The following KCNC4 variants were observed in gnomAD, a reference collection of about 807,000 sequenced individuals.
The protein encoded by KCNC4 is potassium voltage-gated channel subfamily C member 4.
In KCNC4, 23 loss-of-function variants were observed where a neutral mutation model predicts 42.8. That is an observed-to-expected ratio of 0.54 (90% confidence interval 0.39 to 0.76). The LOEUF is 0.76. KCNC4 is among the 30% of genes least tolerant of loss of function. The pLI is 0.00. For synonymous variants in KCNC4, 422 were observed against 393.5 expected, an observed-to-expected ratio of 1.07 and a Z score of -0.86; for missense variants, 751 against 898.2, an observed-to-expected ratio of 0.84 and a Z score of 2.10.
At chr1:110,257,947 G>A (rs559275015) in intron 1 of KCNC4, among the ~76,000 whole-genome samples, 2 of 152,328 alleles carry the variant, frequency 1.3e-5, no homozygotes, top group South Asian at 4.1e-4. Flanking sequence ...GACATGACAT[G>A]CATGCCTGAC....
intron 1 of KCNC4, among the ~76,000 whole-genome samples, chr1:110,266,622 GA>G (rs1394331731): frequency 4.6e-5 from 7 of 152,210 alleles, no homozygotes; most frequent in African/African-American, 1.7e-4. Context: ...CAAGGGCACA[GA>G]ACCTTTAAGT....
At chr1:110,226,538 C>T (rs963005075) in intron 3 of KCNC4, among the ~76,000 whole-genome samples, 1 of 152,188 alleles carries the variant, frequency 6.6e-6, no homozygotes, top group African/African-American at 2.4e-5. Context: ...CTGCCAGCCT[C>T]TCCCTAGGCC....
intron 1 of KCNC4, among the ~76,000 whole-genome samples, chr1:110,281,156 C>T (rs1273161558): frequency 6.6e-6 from 1 of 152,160 alleles, no homozygotes; most frequent in East Asian, 1.9e-4. Context: ...AACTTCATCA[C>T]TTCCCTGGCT....
At chr1:110,232,595 C>A in intron 3 of KCNC4, 7 of 1,437,214 alleles carry the variant, frequency 4.9e-6, no homozygotes, top group Non-Finnish European at 6.4e-6. Context: ...GTTACCTGAA[C>A]AGGTATGGCG....
intron 3 of KCNC4, among the ~76,000 whole-genome samples, chr1:110,229,589 T>G (rs1658592559): frequency 6.6e-6 from 1 of 152,224 alleles, no homozygotes; most frequent in Non-Finnish European, 1.5e-5. Context: ...ACCCAGCCTC[T>G]GCGCTCTGTA....
At chr1:110,225,888 C>A in intron 2 of KCNC4, 87 bp from the exon 3 acceptor site, 1 of 1,268,626 alleles carries the variant, frequency 7.9e-7, no homozygotes. Context: ...GAGGAAGTAA[C>A]ACTCTGGGTC....
chr1:110,217,890 C>T (rs557576375), intron 1 of KCNC4, among the ~76,000 whole-genome samples: 114 of 152,266 alleles, frequency 7.5e-4, no homozygotes, highest in African/African-American at 2.7e-3. Context: ...CTCTTACCCC[C>T]GGGACTGCCC....
intron 3 of KCNC4, among the ~76,000 whole-genome samples, chr1:110,230,458 A>G (rs1448497334): frequency 6.6e-6 from 1 of 152,208 alleles, no homozygotes; most frequent in Non-Finnish European, 1.5e-5. Flanking sequence ...CAGGGATGCC[A>G]CCACTGTTTT....
chr1:110,215,972 T>C (rs1571025970), intron 1 of KCNC4, among the ~76,000 whole-genome samples: 1 of 152,330 alleles, frequency 6.6e-6, no homozygotes, highest in East Asian at 1.9e-4. Flanking sequence ...TCTGCTCTTA[T>C]CTGTTCCTTT....
chr1:110,213,613 C>T (rs1657625154), intron 1 of KCNC4, among the ~76,000 whole-genome samples: 1 of 152,164 alleles, frequency 6.6e-6, no homozygotes, highest in South Asian at 2.1e-4. Flanking sequence ...CAGGCAGCCA[C>T]GAGAAGGCAG....
chr1:110,219,111 C>T (rs1657961638), intron 1 of KCNC4, among the ~76,000 whole-genome samples: 1 of 152,226 alleles, frequency 6.6e-6, no homozygotes, highest in Admixed American at 6.5e-5. Context: ...AAGCACTCCT[C>T]CCTGGGCCTC....
chr1:110,215,780 A>G (rs533366887), intron 1 of KCNC4, among the ~76,000 whole-genome samples: 2 of 152,344 alleles, frequency 1.3e-5, no homozygotes, highest in South Asian at 4.1e-4. Context: ...GTATCAGTAT[A>G]CAGATAAGGA....
intron 1 of KCNC4, among the ~76,000 whole-genome samples, chr1:110,260,021 T>C (rs1659397745): frequency 6.6e-6 from 1 of 152,222 alleles, no homozygotes; most frequent in Non-Finnish European, 1.5e-5. Flanking sequence ...GGCCTGGGCA[T>C]GCATCTCAGA....
At chr1:110,281,060 T>C (rs1021821049) in intron 1 of KCNC4, among the ~76,000 whole-genome samples, 1 of 151,950 alleles carries the variant, frequency 6.6e-6, no homozygotes, top group Non-Finnish European at 1.5e-5. Flanking sequence ...AGGCTCCCTG[T>C]GGTGGTGGTG....
chr1:110,268,873 C>T (rs1392085350), intron 1 of KCNC4, among the ~76,000 whole-genome samples: 1 of 151,598 alleles, frequency 6.6e-6, no homozygotes, highest in Non-Finnish European at 1.5e-5. Flanking sequence ...GGACTACAGG[C>T]GCCCGCCACC....
intron 1 of KCNC4, among the ~76,000 whole-genome samples, chr1:110,261,908 C>G (rs1659461652): frequency 6.6e-6 from 1 of 152,182 alleles, no homozygotes; most frequent in African/African-American, 2.4e-5. Context: ...AAACAACAAG[C>G]ATTCCATTTT....
rs1658821329 is a variant in KCNC4, at chr1:110,233,595, C to G, written c.*623C>G. On this transcript the variant is annotated 3_prime_UTR_variant, in exon 4 of 4. Transcript: ENST00000438661. Reference sequence around the variant, plus strand: ...GCAGCCTCCTCCACTACTTCCTCCACCCCATCTATGTCCTTGACTTAGGGG... The same window carrying G: ...GCAGCCTCCTCCACTACTTCCTCCAGCCCATCTATGTCCTTGACTTAGGGG... The G allele has an allele frequency of 6.5e-6, 1 of 153,770 alleles. No individual in the cohort carries two copies. Among genetic ancestry groups the G allele is most frequent in the African/African-American group, 2.4e-5 (1 of 41,444 alleles). The allele number at this position is 153,770 out of a possible 1,614,324, so 9.5% of individuals were successfully genotyped here.
rs375782593 is a variant in KCNC4, at chr1:110,211,564, A to G, written c.65A>G (p.Lys22Arg). Reference sequence around the variant, plus strand: ...AAGTCGGGGAACAAGCCTCCGTCCAAAACATGTCTGAAGGAGGAGATGGCC... The same window carrying G: ...AAGTCGGGGAACAAGCCTCCGTCCAGAACATGTCTGAAGGAGGAGATGGCC... Reference protein sequence around the residue: ...GRKSGNKPPSKTCLKEEMAKG... With the variant: ...GRKSGNKPPSRTCLKEEMAKG... The change falls in exon 1 of 4, where the codon AAA (lysine) becomes AGA (arginine). Residue 22 changes from lysine (K) to arginine (R), a missense_variant. Physicochemically the swap from Lys to Arg is conservative, Grantham distance 26. Around this residue, in one of 4 missense-constraint regions of KCNC4, gnomAD observed 183 missense variants for 255.8 expected, o/e 0.72. Coordinates refer to ENST00000438661, the MANE Select transcript of KCNC4 (RefSeq NM_001039574.3). This position sits in a 1 kb window ranked among gnomAD's most constrained non-coding sequence, Gnocchi z 6.5. 1 of 1,614,056 alleles carries G rather than the reference A, an allele frequency of 6.2e-7. No individual in the cohort carries two copies. Among genetic ancestry groups the G allele is most frequent in the Non-Finnish European group, 8.5e-7 (1 of 1,179,988 alleles).
chr1:110,246,441 A>T (rs188909550), exon 4 of KCNC4: 14 of 152,352 alleles, frequency 9.2e-5, no homozygotes, highest in Admixed American at 9.1e-4. Context: ...CTCCTTGAAC[A>T]AGCTTTTGCT....
Sources: gnomAD v4.1 joint callset for allele counts (sites outside exome capture counted in the v4.1 genomes callset) on GRCh38, gnomAD v4.1.1 for gene constraint, gnomAD v4.1.1 regional missense constraint, Gnocchi (gnomAD v3.1) non-coding constraint, MANE v1.5 for transcripts, NCBI Gene and HGNC (gene_info 2026-07-23, HGNC 2026-07-21) for gene names.